The following ZNF233 variants were observed in gnomAD, a reference collection of about 807,000 sequenced individuals.
ZNF233 encodes zinc finger protein 233.
ZNF233 carries 7 observed loss-of-function variants against 11.6 expected under a neutral mutation model. The observed-to-expected ratio is 0.60, with a 90% CI of 0.34 to 1.13. The LOEUF (loss-of-function observed/expected upper bound fraction) is 1.13. Ranked by LOEUF, ZNF233 falls within the 50% of genes most tolerant of loss-of-function variation. The probability of loss-of-function intolerance (pLI) is 0.03; values close to 1 mark genes in which losing one functional copy is unlikely to be tolerated. For missense variants in ZNF233, 711 were observed against 785.5 expected, an observed-to-expected ratio of 0.91 and a Z score of 1.13; for synonymous variants, 226 against 268.5, an observed-to-expected ratio of 0.84 and a Z score of 1.55.
chr19:44,273,204 T>A lies in ZNF233; in HGVS notation c.544T>A (p.Phe182Ile). The A allele has an allele frequency of 1.9e-6, 3 of 1,613,740 alleles. No individual in the cohort carries two copies. Among genetic ancestry groups the A allele is most frequent in the Non-Finnish European group, 2.5e-6 (3 of 1,180,014 alleles). Reference sequence around the variant, plus strand: ...GCTTCCATTGAGGACCACCTGGGATTTCTGGAGGAAAATGTATCTGAGAGA... The same window carrying A: ...GCTTCCATTGAGGACCACCTGGGATATCTGGAGGAAAATGTATCTGAGAGA... The part of the protein sequence containing the change: ...QELPLRTTWD[F>I]WRKMYLREPQ... The change falls in exon 5 of 5, where the codon TTC becomes ATC. Residue 182 changes from phenylalanine to isoleucine, a missense_variant. By Grantham distance (21) the Phe-to-Ile change is conservative. Transcript: ENST00000683810.
chr19:44,265,424 CTTTT>C (rs1010685075), intron 2 of ZNF233, among the ~76,000 whole-genome samples: 3 of 146,806 alleles, frequency 2.0e-5, no homozygotes, highest in African/African-American at 7.6e-5. Context: ...GGTTTCTTTT[CTTTT>C]GTTTTTTTTT....
At position 44,259,933 on chromosome 19, in the gene ZNF233, T is replaced by C; in HGVS notation, c.-53T>C. On this transcript the variant is annotated 5_prime_UTR_variant, in exon 1 of 5. Transcript: ENST00000683810. Reference sequence around the variant, plus strand: ...CGAAGCAGCCGTCATCTATCCCCTCTGGGAGGTGAGTCAGCGCGGAACCTC... The same window carrying C: ...CGAAGCAGCCGTCATCTATCCCCTCCGGGAGGTGAGTCAGCGCGGAACCTC... The C allele has an allele frequency of 2.2e-6, 1 of 455,804 alleles. No homozygotes were observed. Among genetic ancestry groups the C allele is most frequent in the Non-Finnish European group, 4.4e-6 (1 of 226,582 alleles). The allele number at this position is 455,804 out of a possible 1,614,324, so 28.2% of individuals were successfully genotyped here.
At position 44,266,895 on chromosome 19, in the gene ZNF233, T is replaced by C. The variant is rs761082502; in HGVS notation, c.172T>C (p.Leu58=). ...TCAACCCTTCAAACTAGATGTGATA[T>C]TACAGTTGGGAAAAGAAGACAAGCT... ...GYQPFKLDVI[L]QLGKEDKLRM... Residue 58 remains leucine (L), a synonymous_variant, in exon 4 of 5, where the codon TTA becomes CTA. Transcript: ENST00000683810. 3 of 1,614,014 alleles carry C rather than the reference T, an allele frequency of 1.9e-6. No individual in the cohort carries two copies. Among genetic ancestry groups the C allele is most frequent in the Admixed American group, 3.3e-5 (2 of 59,996 alleles).
At chr19:44,271,822 T>TAAAAA (rs1409665253) in intron 4 of ZNF233, among the ~76,000 whole-genome samples, 3 of 151,840 alleles carry the variant, frequency 2.0e-5, no homozygotes, top group Non-Finnish European at 4.4e-5. Context: ...AGAGGAGGGA[T>TAAAAA]TTTTAAGTGA....
chr19:44,266,815 T>G (rs1310910579), intron 3 of ZNF233, 51 bp from the exon 4 acceptor site: 1 of 1,414,458 alleles, frequency 7.1e-7, no homozygotes. Flanking sequence ...GGAATTAAAA[T>G]TTTTGACTAT....
Position 44,272,998 on chromosome 19 carries a change from C to T in ZNF233, c.338C>T (p.Thr113Ile). The T allele has an allele frequency of 6.2e-7, 1 of 1,613,832 alleles. No homozygotes were observed. Among genetic ancestry groups the T allele is most frequent in the Non-Finnish European group, 8.5e-7 (1 of 1,179,946 alleles). ...LICWQIWEQF[T>I]SKLTSNQDLI... ...TGCTGGCAAATATGGGAACAATTTACAAGTAAATTAACCAGTAATCAAGAC... is the reference window on the plus strand; with the variant it reads ...TGCTGGCAAATATGGGAACAATTTATAAGTAAATTAACCAGTAATCAAGAC... Residue 113 changes from threonine (T) to isoleucine (I), a missense_variant, in exon 5 of 5, where the codon ACA becomes ATA. Transcript: ENST00000683810.
At position 44,274,550 on chromosome 19, in the gene ZNF233, T is replaced by C. The variant is rs770913114; in HGVS notation, c.1890T>C (p.Ser630=). The C allele has an allele frequency of 1.2e-6, 2 of 1,614,036 alleles. No homozygotes were observed. Among genetic ancestry groups the C allele is most frequent in the Non-Finnish European group, 1.7e-6 (2 of 1,179,990 alleles). The change falls in exon 5 of 5, where the codon AGT becomes AGC. Residue 630 remains serine, a synonymous_variant. Coordinates refer to ENST00000683810, the MANE Select transcript of ZNF233 (RefSeq NM_001207005.2). ...GTGGCATGTGTGGTAAGAGCTTCAG[T>C]CAGACTTCACATCTTCAAGCCCATC... ...YKCGMCGKSF[S]QTSHLQAHQR... is the part of the protein sequence containing the mutation.
Position 44,273,793 on chromosome 19 carries a change from G to A in ZNF233, c.1133G>A (p.Gly378Asp). 1 of 1,614,142 alleles carries A rather than the reference G, an allele frequency of 6.2e-7. No homozygotes were observed. The highest frequency in any genetic ancestry group is 8.5e-7 in the Non-Finnish European group (1 of 1,180,012). ...TGTACATGTGGCAGGTGTGGGAAGG[G>A]CTTCCATCATAGCTTAGATTTTGAC... is the stretch of plus-strand genomic sequence containing the variant. ...KLCTCGRCGK[G>D]FHHSLDFDIH... The change falls in exon 5 of 5, where the codon GGC (glycine) becomes GAC (aspartate). Residue 378 changes from glycine (G) to aspartate (D), a missense_variant. Coordinates refer to ENST00000683810, the MANE Select transcript of ZNF233 (RefSeq NM_001207005.2).
Position 44,274,072 on chromosome 19 carries a change from A to G in ZNF233, c.1412A>G (p.Gln471Arg), listed in dbSNP as rs904830539. The change falls in exon 5 of 5, where the codon CAG (glutamine) becomes CGG (arginine). Residue 471 changes from glutamine to arginine, a missense_variant. Coordinates refer to ENST00000683810, the MANE Select transcript of ZNF233 (RefSeq NM_001207005.2). Reference protein sequence around the residue: ...FSKASNLQAHQRIHTGEKPYK... With the variant: ...FSKASNLQAHRRIHTGEKPYK... ...AAGGCCTCAAATCTTCAAGCCCATC[A>G]GAGAATCCACACTGGAGAGAAACCC... The G allele has an allele frequency of 6.3e-7, 1 of 1,597,950 alleles. No individual in the cohort carries two copies. Among genetic ancestry groups the G allele is most frequent in the Non-Finnish European group, 8.5e-7 (1 of 1,179,494 alleles).
intron 1 of ZNF233, 49 bp downstream of exon 1, chr19:44,259,987 G>A (rs1974887242): frequency 4.5e-6 from 2 of 445,970 alleles, no homozygotes; most frequent in Non-Finnish European, 9.1e-6. Flanking sequence ...TCCTGGCCTG[G>A]GCGTTGGACT....
Position 44,274,352 on chromosome 19 carries a change from C to A in ZNF233, c.1692C>A (p.Tyr564Ter), listed in dbSNP as rs548661710. The A allele has an allele frequency of 1.2e-6, 2 of 1,613,622 alleles. No individual in the cohort carries two copies. The highest frequency in any genetic ancestry group is 1.7e-6 in the Non-Finnish European group (2 of 1,179,920). The change falls in exon 5 of 5, where the codon TAC (tyrosine) becomes TAA (stop). Residue 564 changes from tyrosine to a stop codon, truncating the protein, a stop_gained. Transcript: ENST00000683810. LOFTEE classifies it low-confidence loss of function (END_TRUNC). ...HQQVHTGENP[Y>*]KCDVCGKGFS... The stretch of plus-strand genomic sequence containing the variant: ...AAGTCCATACTGGAGAGAATCCCTA[C>A]AAATGTGATGTGTGTGGGAAAGGCT...
At chr19:44,270,722 G>A (rs1016918410) in intron 4 of ZNF233, among the ~76,000 whole-genome samples, 3 of 152,138 alleles carry the variant, frequency 2.0e-5, no homozygotes, top group South Asian at 2.1e-4. Context: ...AGGTGGGCTC[G>A]TTCACATGGC....
chr19:44,268,084 CT>C (rs530077400), intron 4 of ZNF233: 76 of 152,246 alleles, frequency 5.0e-4, no homozygotes, highest in African/African-American at 1.7e-3. Flanking sequence ...AAAAAATTAG[CT>C]CACAGCTATA....
chr19:44,274,820 T>C lies in ZNF233; in HGVS notation c.*147T>C. Reference sequence around the variant, plus strand: ...TTCATGAGCTGAGTTTTTATAGTTATCTGAATTCCATTGAAGAAAACCTAT... The same window carrying C: ...TTCATGAGCTGAGTTTTTATAGTTACCTGAATTCCATTGAAGAAAACCTAT... On this transcript the variant is annotated 3_prime_UTR_variant, in exon 5 of 5. Coordinates refer to ENST00000683810, the MANE Select transcript of ZNF233 (RefSeq NM_001207005.2). The C allele has an allele frequency of 1.4e-6, 1 of 690,076 alleles. No individual in the cohort carries two copies. 42.7% of individuals were successfully genotyped at this position (690,076 alleles called of 1,614,324 possible). A position where few individuals can be genotyped will look rare whatever the true frequency, so the allele number is the denominator to read the frequency against.
At chr19:44,269,397 G>C (rs888224529) in intron 4 of ZNF233, among the ~76,000 whole-genome samples, 6 of 151,948 alleles carry the variant, frequency 3.9e-5, no homozygotes, top group African/African-American at 1.5e-4. Context: ...TCAGGTTCAA[G>C]CGATTCTCCT....
intron 3 of ZNF233, 114 bp from the exon 4 acceptor site, chr19:44,266,752 C>A: frequency 1.5e-6 from 1 of 674,780 alleles, no homozygotes; most frequent in Non-Finnish European, 2.5e-6. Context: ...GACAATAGCT[C>A]ATGATCACAA....
intron 1 of ZNF233, among the ~76,000 whole-genome samples, chr19:44,261,264 A>G (rs1399865831): frequency 6.6e-6 from 1 of 151,588 alleles, no homozygotes; most frequent in East Asian, 1.9e-4. Context: ...ACATAGTGAG[A>G]CTCCATCTCT....
chr19:44,274,725 C>A lies in ZNF233; in HGVS notation c.*52C>A. 7.3e-7 allele frequency: 1 copy of A among 1,361,988 alleles called. No homozygotes were observed. Among genetic ancestry groups the A allele is most frequent in the South Asian group, 1.5e-5 (1 of 65,918 alleles). The allele number at this position is 1,361,988 out of a possible 1,614,324, so 84.4% of individuals were successfully genotyped here. ...AGTGTGATAGGGGTGCTCTTCAAGACTTAGACTTCCCATTTTCCTCAGAAA... is the reference window on the plus strand; with the variant it reads ...AGTGTGATAGGGGTGCTCTTCAAGAATTAGACTTCCCATTTTCCTCAGAAA... On this transcript the variant is annotated 3_prime_UTR_variant, in exon 5 of 5. Transcript: ENST00000683810.
intron 4 of ZNF233, among the ~76,000 whole-genome samples, chr19:44,270,437 C>T (rs1436798555): frequency 6.6e-6 from 1 of 151,420 alleles, no homozygotes; most frequent in Non-Finnish European, 1.5e-5. Context: ...AGGAGAATCA[C>T]TTGAACCCCG....
Sources: gnomAD v4.1 joint callset for allele counts (sites outside exome capture counted in the v4.1 genomes callset) on GRCh38, gnomAD v4.1.1 for gene constraint, MANE v1.5 for transcripts, NCBI Gene and HGNC (gene_info 2026-07-23, HGNC 2026-07-21) for gene names.